The following ABRA variants were observed in gnomAD, a reference collection of about 807,000 sequenced individuals.
The protein encoded by ABRA is actin binding Rho activating protein.
In ABRA, 25 loss-of-function variants were observed where a neutral mutation model predicts 33.4. The ratio of observed to expected loss-of-function variants is 0.75; its 90% CI spans 0.55 to 1.04. The LOEUF (loss-of-function observed/expected upper bound fraction) is 1.04, where lower values mean the gene tolerates loss of function less well. ABRA is among the 50% of genes least tolerant of loss of function. The pLI, the probability that ABRA is intolerant of heterozygous loss-of-function variation, is 0.00. For synonymous variants in ABRA, 193 were observed against 176.8 expected (o/e 1.09, Z -0.73); for missense variants, 501 against 491.7 (o/e 1.02, Z -0.18).
chr8:106,770,107 G>A lies in ABRA; in HGVS notation c.84C>T (p.Ser28=), dbSNP rs11996457. ...CCCACTGCTGCCAACCTCGGGCCAA[G>A]CTGATGACCAGGGTGGCTGTGCGTA... ...RKIRTATLVI[S]LARGWQQWAN... is the part of the protein sequence containing the mutation. The change falls in exon 1 of 2, where the codon AGC becomes AGT. Residue 28 remains serine (S), a synonymous_variant. Coordinates refer to ENST00000311955, the MANE Select transcript of ABRA (RefSeq NM_139166.5). 0.22 allele frequency: 358,077 copies of A among 1,613,834 alleles called. 43,640 individuals carry two copies. Among genetic ancestry groups the A allele is most frequent in the African/African-American group, 0.49 (36,756 of 74,886 alleles).
In ABRA at chr8:106,770,221, C is replaced by T; in HGVS notation, c.-31G>A. ...CCACCTGTCTTTCTCTGCTGATAGC[C>T]TGGACACTGGCTAAAATGAGTGTGG... On this transcript the variant is annotated 5_prime_UTR_variant, in exon 1 of 2. Transcript: ENST00000311955. 1 of 1,575,864 alleles carries T rather than the reference C, an allele frequency of 6.3e-7. No individual in the cohort carries two copies. The highest frequency in any genetic ancestry group is 8.6e-7 in the Non-Finnish European group (1 of 1,167,618).
chr8:106,764,069 T>C (rs1449264308), intron 1 of ABRA, among the ~76,000 whole-genome samples: 2 of 152,318 alleles, frequency 1.3e-5, no homozygotes, highest in Middle Eastern at 3.4e-3. Context: ...ATTTGCACAA[T>C]TGAAAGTAAT....
chr8:106,761,299 G>C lies in ABRA; in HGVS notation c.884C>G (p.Thr295Ser). The change falls in exon 2 of 2, where the codon ACT becomes AGT. Residue 295 changes from threonine (T) to serine (S), a missense_variant. By Grantham distance (58) the Thr-to-Ser change is moderately conservative. Coordinates refer to ENST00000311955, the MANE Select transcript of ABRA (RefSeq NM_139166.5). ...CTCAGCACGCTTGGCCCTTTCAGCA[G>C]TTTTGGTTCCTTCTTTGGGGCGGCC... ...GYGRPKEGTK[T>S]AERAKRAEEH... 1 of 1,614,196 alleles carries C rather than the reference G, an allele frequency of 6.2e-7. No homozygotes were observed. The highest frequency in any genetic ancestry group is 8.5e-7 in the Non-Finnish European group (1 of 1,180,042).
chr8:106,760,382 A>G lies in ABRA; in HGVS notation c.*655T>C, dbSNP rs1836117805. 1 of 152,194 alleles carries G rather than the reference A, an allele frequency of 6.6e-6. No homozygotes were observed. The highest frequency in any genetic ancestry group is 2.4e-5 in the African/African-American group (1 of 41,460). 9.4% of individuals were successfully genotyped at this position (152,194 alleles called of 1,614,324 possible). On this transcript the variant is annotated 3_prime_UTR_variant, in exon 2 of 2. Coordinates refer to ENST00000311955, the MANE Select transcript of ABRA (RefSeq NM_139166.5). ...CAGAGGAACTTCAACAATTTCAGCA[A>G]CATCTTGACAACTTTTTATATATGT... is the stretch of plus-strand genomic sequence containing the variant.
In ABRA at chr8:106,770,121, T is replaced by C; in HGVS notation, c.70A>G (p.Thr24Ala). The change falls in exon 1 of 2, where the codon ACC becomes GCC. Residue 24 changes from threonine (T) to alanine (A), a missense_variant. Coordinates refer to ENST00000311955, the MANE Select transcript of ABRA (RefSeq NM_139166.5). ...CCTCGGGCCAAGCTGATGACCAGGG[T>C]GGCTGTGCGTATCTTCCGGAGGGCG... ...KSALRKIRTATLVISLARGWQ... is the reference protein window; with the variant it reads ...KSALRKIRTAALVISLARGWQ... 1 of 1,613,754 alleles carries C rather than the reference T, an allele frequency of 6.2e-7. No individual in the cohort carries two copies. Among genetic ancestry groups the C allele is most frequent in the Non-Finnish European group, 8.5e-7 (1 of 1,179,808 alleles).
chr8:106,766,776 A>C (rs906811906), intron 1 of ABRA, among the ~76,000 whole-genome samples: 1 of 152,176 alleles, frequency 6.6e-6, no homozygotes, highest in African/African-American at 2.4e-5. Context: ...TGATGAGTAC[A>C]ATTTGCTAAT....
intron 1 of ABRA, among the ~76,000 whole-genome samples, chr8:106,766,548 T>C (rs943114216): frequency 6.6e-6 from 1 of 152,218 alleles, no homozygotes; most frequent in Non-Finnish European, 1.5e-5. Context: ...CCCATGAGGC[T>C]TCTGCTGAAG....
At chr8:106,769,329 A>G (rs1414266994) in intron 1 of ABRA, among the ~76,000 whole-genome samples, 194 bp downstream of exon 1, 2 of 152,194 alleles carry the variant, frequency 1.3e-5, no homozygotes, top group African/African-American at 2.4e-5. Context: ...GGCCCTGACC[A>G]AAAGGTCCAT....
intron 1 of ABRA, among the ~76,000 whole-genome samples, chr8:106,767,919 AC>A (rs1161816894): frequency 6.6e-6 from 1 of 152,028 alleles, no homozygotes; most frequent in East Asian, 1.9e-4. Flanking sequence ...ACATGGTGAA[AC>A]CCCATCTCTA....
At position 106,761,395 on chromosome 8, in the gene ABRA, T is replaced by A. The variant is rs147251566; in HGVS notation, c.788A>T (p.Asn263Ile). 1 of 1,614,212 alleles carries A rather than the reference T, an allele frequency of 6.2e-7. No homozygotes were observed. Among genetic ancestry groups the A allele is most frequent in the Non-Finnish European group, 8.5e-7 (1 of 1,180,042 alleles). The change falls in exon 2 of 2, where the codon AAT becomes ATT. Residue 263 changes from asparagine to isoleucine, a missense_variant. Coordinates refer to ENST00000311955, the MANE Select transcript of ABRA (RefSeq NM_139166.5). ...ADEHIQSQKLNPFSEEFDYEL... is the reference protein window; with the variant it reads ...ADEHIQSQKLIPFSEEFDYEL... ...GTAATCAAACTCTTCACTGAAAGGA[T>A]TGAGCTTCTGGGATTGTATGTGTTC...
In ABRA at chr8:106,762,464, T is replaced by C. The variant is rs367614881; in HGVS notation, c.669-950A>G. On this transcript the variant is annotated intron_variant, in intron 1 of 1. Coordinates refer to ENST00000311955, the MANE Select transcript of ABRA (RefSeq NM_139166.5). ...ATGTGTATATCTTTGGAATTCAGAA[T>C]GCATTTTCTATTAAAAAACCAACTC... 1.5e-4 allele frequency among the ~76,000 whole-genome samples: 23 copies of C among 152,314 alleles called. No individual in the cohort carries two copies. In the South Asian group the frequency reaches 2.5e-3, roughly 16 times the overall value.
rs1320025474 is a variant in ABRA, at chr8:106,761,338, C to G, written c.845G>C (p.Gly282Ala). The G allele has an allele frequency of 6.2e-7, 1 of 1,614,188 alleles. No homozygotes were observed. Among genetic ancestry groups the G allele is most frequent in the South Asian group, 1.1e-5 (1 of 91,076 alleles). Residue 282 changes from glycine (G) to alanine (A), a missense_variant, in exon 2 of 2, where the codon GGA (glycine) becomes GCA (alanine). Physicochemically the swap from Gly to Ala is moderately conservative, Grantham distance 60. Transcript: ENST00000311955. ...TTTGGGGCGGCCATAGCCCTCATCTCCTTTGTGTAGGCGGGTGGACATGGC... is the reference window on the plus strand; with the variant it reads ...TTTGGGGCGGCCATAGCCCTCATCTGCTTTGTGTAGGCGGGTGGACATGGC... ...ELAMSTRLHKGDEGYGRPKEG... is the reference protein window; with the variant it reads ...ELAMSTRLHKADEGYGRPKEG...
rs182944429 is a variant in ABRA at position 106,761,282 on chromosome 8, G to A, written c.901C>T (p.Arg301Cys). 7.1e-5 allele frequency: 114 copies of A among 1,614,206 alleles called. 1 individual carries two copies. In the Admixed American group the frequency reaches 1.6e-3, roughly 22 times the overall value. ...TCCCTGTAGATGTGCTCCTCAGCAC[G>A]CTTGGCCCTTTCAGCAGTTTTGGTT... is the stretch of plus-strand genomic sequence containing the variant. ...EGTKTAERAK[R>C]AEEHIYREMM... Residue 301 changes from arginine (R) to cysteine (C), a missense_variant, in exon 2 of 2, where the codon CGT becomes TGT. Physicochemically the swap from Arg to Cys is radical, Grantham distance 180. Transcript: ENST00000311955.
intron 1 of ABRA, among the ~76,000 whole-genome samples, chr8:106,761,948 CA>C (rs1258121360): frequency 6.6e-6 from 1 of 152,046 alleles, no homozygotes; most frequent in Admixed American, 6.5e-5. Context: ...ACTACACATG[CA>C]GTTTAATATT....
In ABRA at chr8:106,770,226, C is replaced by T; in HGVS notation, c.-36G>A. The T allele has an allele frequency of 6.4e-7, 1 of 1,570,974 alleles. No homozygotes were observed. Among genetic ancestry groups the T allele is most frequent in the Non-Finnish European group, 8.6e-7 (1 of 1,164,762 alleles). On this transcript the variant is annotated 5_prime_UTR_variant, in exon 1 of 2. Transcript: ENST00000311955. Reference sequence around the variant, plus strand: ...TGTCTTTCTCTGCTGATAGCCTGGACACTGGCTAAAATGAGTGTGGTCCAG... The same window carrying T: ...TGTCTTTCTCTGCTGATAGCCTGGATACTGGCTAAAATGAGTGTGGTCCAG...
Position 106,769,537 on chromosome 8 carries a change from G to A in ABRA, c.654C>T (p.Arg218=), listed in dbSNP as rs1185520755. 6.2e-7 allele frequency: 1 copy of A among 1,613,124 alleles called. No individual in the cohort carries two copies. Among genetic ancestry groups the A allele is most frequent in the East Asian group, 2.2e-5 (1 of 44,856 alleles). Residue 218 remains arginine (R), a synonymous_variant, in exon 1 of 2, where the codon CGC becomes CGT. Coordinates refer to ENST00000311955, the MANE Select transcript of ABRA (RefSeq NM_139166.5). ...GVQVAVVRIK[R]PLPSQVNRFT... ...CATTCACTTACTGGGAGGGCAAGGG[G>A]CGCTTGATCCTGACCACAGCCACCT...
At chr8:106,762,662 G>T (rs1363296624) in intron 1 of ABRA, among the ~76,000 whole-genome samples, 2 of 152,070 alleles carry the variant, frequency 1.3e-5, no homozygotes, top group Non-Finnish European at 2.9e-5. Flanking sequence ...GGGGCCTGTT[G>T]GGGGTCAGGG....
Position 106,769,606 on chromosome 8 carries a change from G to T in ABRA, c.585C>A (p.Gly195=). ...RSDSVDTEDS[G]YGGEAEERPE... ...GCCTCTCCTCAGCCTCTCCTCCATA[G>T]CCGCTGTCCTCTGTGTCTACGCTGT... is the stretch of plus-strand genomic sequence containing the variant. The change falls in exon 1 of 2, where the codon GGC becomes GGA. Residue 195 remains glycine (G), a synonymous_variant. Transcript: ENST00000311955. 6.2e-7 allele frequency: 1 copy of T among 1,614,160 alleles called. No homozygotes were observed. Among genetic ancestry groups the T allele is most frequent in the Admixed American group, 1.7e-5 (1 of 60,014 alleles).
rs1836139629 is a variant in ABRA, at chr8:106,761,475, T to C, written c.708A>G (p.Gln236=). The change falls in exon 2 of 2, where the codon CAA becomes CAG. Residue 236 remains glutamine (Q), a synonymous_variant. Transcript: ENST00000311955. ...RFTEKLNCKA[Q]QKYSPVGNLK... ...AGTTGCCCACTGGGCTATATTTCTG[T>C]TGGGCTTTGCAGTTGAGTTTCTCTG... is the stretch of plus-strand genomic sequence containing the variant. 2 of 1,614,158 alleles carry C rather than the reference T, an allele frequency of 1.2e-6. No individual in the cohort carries two copies. The highest frequency in any genetic ancestry group is 1.7e-6 in the Non-Finnish European group (2 of 1,180,026).
Sources: allele counts gnomAD v4.1 joint callset (sites outside exome capture counted in the v4.1 genomes callset), GRCh38; gene constraint gnomAD v4.1.1; transcripts MANE v1.5; gene names NCBI Gene and HGNC (gene_info 2026-07-23, HGNC 2026-07-21).